The following GLP1R variants were observed in gnomAD, a reference collection of about 807,000 sequenced individuals.
GLP1R encodes the protein glucagon like peptide 1 receptor, also known as glucagon-like peptide 1 receptor.
A neutral mutation model predicts 68.4 loss-of-function variants in GLP1R; 32 were observed. That is an observed-to-expected ratio of 0.47 (90% confidence interval 0.35 to 0.63). GLP1R has a LOEUF of 0.63. Among genes scored for constraint, GLP1R ranks in the 20% least tolerant of loss-of-function variants. GLP1R has a pLI of 0.00. For missense variants in GLP1R, 502 were observed against 594.9 expected (o/e 0.84, Z 1.62); for synonymous variants, 263 against 244.4 (o/e 1.08, Z -0.71).
chr6:39,080,381 G>C (rs1768968533), intron 11 of GLP1R, among the ~76,000 whole-genome samples: 1 of 152,222 alleles, frequency 6.6e-6, no homozygotes, highest in Non-Finnish European at 1.5e-5. Flanking sequence ...CTCAAGGAGA[G>C]GTTGGATGTA....
At chr6:39,077,117 C>T (rs1195194975) in intron 7 of GLP1R, among the ~76,000 whole-genome samples, 1 of 152,198 alleles carries the variant, frequency 6.6e-6, no homozygotes, top group African/African-American at 2.4e-5. Flanking sequence ...CTGTGGCCTG[C>T]AATCTCGGTT....
At chr6:39,050,644 A>C (rs561749603) in intron 1 of GLP1R, among the ~76,000 whole-genome samples, 1 of 152,154 alleles carries the variant, frequency 6.6e-6, no homozygotes, top group Non-Finnish European at 1.5e-5. Flanking sequence ...TGCCACAGAG[A>C]TCTGAGTCAC....
chr6:39,066,089 T>G lies in GLP1R; in HGVS notation c.403-108T>G, dbSNP rs959788901. On this transcript the variant is annotated intron_variant, in intron 4 of 12. Coordinates refer to ENST00000373256, the MANE Select transcript of GLP1R (RefSeq NM_002062.5). ...TCTTTCTTGGTCTTGGTATCCCCGG[T>G]GAGTCCTGACTTGGGGCCCCAGCTC... The G allele has an allele frequency of 1.8e-5, 12 of 649,072 alleles. No homozygotes were observed. The Admixed American group carries it at 3.0e-4, about 16-fold the overall frequency. 40.2% of individuals were successfully genotyped at this position (649,072 alleles called of 1,614,324 possible).
intron 12 of GLP1R, among the ~76,000 whole-genome samples, chr6:39,081,259 G>C (rs538663388): frequency 6.6e-6 from 1 of 152,178 alleles, no homozygotes; most frequent in South Asian, 2.1e-4. Flanking sequence ...GGCACACATC[G>C]CTTCTTAGCC....
chr6:39,079,283 G>C lies in GLP1R; in HGVS notation c.1043+83G>C. ...GCAGAGAGAGAGAGAGAGATCCTGG[G>C]ATGCTTAGCTTAGAGCCCTACACTA... is the stretch of plus-strand genomic sequence containing the variant. On this transcript the variant is annotated intron_variant, in intron 10 of 12. Coordinates refer to ENST00000373256, the MANE Select transcript of GLP1R (RefSeq NM_002062.5). This position sits in a 1 kb window ranked among gnomAD's most constrained non-coding sequence, Gnocchi z 4.5. 1 of 1,068,574 alleles carries C rather than the reference G, an allele frequency of 9.4e-7. No homozygotes were observed. Among genetic ancestry groups the C allele is most frequent in the Non-Finnish European group, 1.5e-6 (1 of 686,670 alleles). 66.2% of individuals were successfully genotyped at this position (1,068,574 alleles called of 1,614,324 possible).
chr6:39,074,870 C>T (rs10305487), intron 7 of GLP1R, among the ~76,000 whole-genome samples: 40,254 of 152,150 alleles, frequency 0.26, 5,996 homozygotes, highest in Non-Finnish European at 0.34. Context: ...CCCTCTCAAG[C>T]TCTCCATCCC....
At chr6:39,061,952 C>A (rs1768367571) in intron 3 of GLP1R, among the ~76,000 whole-genome samples, 1 of 152,182 alleles carries the variant, frequency 6.6e-6, no homozygotes, top group South Asian at 2.1e-4. Flanking sequence ...TCACCTCACT[C>A]CCTTGGGGAG....
chr6:39,060,904 G>GGTC lies in GLP1R; in HGVS notation c.283+3327_283+3329dup, dbSNP rs1768342747. 2.6e-5 allele frequency among the ~76,000 whole-genome samples: 4 copies of GGTC among 152,324 alleles called. No homozygotes were observed. In the South Asian group the frequency reaches 8.3e-4, roughly 32 times the overall value. On this transcript the variant is annotated intron_variant, in intron 3 of 12. Transcript: ENST00000373256. ...GGTAACCCCCCTCCATGGAGCTGAA[G>GGTC]GTCGGCTCAGCAGCCCAGGCAGTGG...
chr6:39,079,449 G>C lies in GLP1R; in HGVS notation c.1044-115G>C, dbSNP rs900903329. Reference sequence around the variant, plus strand: ...CTGTCCCAGGGTATTTGGGGTGGGAGAACATCCATGACCCAGATATCAGGA... The same window carrying C: ...CTGTCCCAGGGTATTTGGGGTGGGACAACATCCATGACCCAGATATCAGGA... On this transcript the variant is annotated intron_variant, in intron 10 of 12. Transcript: ENST00000373256. The surrounding 1 kb of genome is among the most constrained non-coding windows in gnomAD (Gnocchi z 4.5). 9.1e-7 allele frequency: 1 copy of C among 1,102,360 alleles called. No homozygotes were observed. The highest frequency in any genetic ancestry group is 1.3e-6 in the Non-Finnish European group (1 of 768,196). The allele number at this position is 1,102,360 out of a possible 1,614,324, so 68.3% of individuals were successfully genotyped here.
intron 3 of GLP1R, among the ~76,000 whole-genome samples, chr6:39,058,152 C>CT (rs1768263852): frequency 6.6e-6 from 1 of 152,206 alleles, no homozygotes; most frequent in Non-Finnish European, 1.5e-5. Context: ...AATGCGACCC[C>CT]TTCCAATTCA....
At chr6:39,081,473 G>C (rs1207281951) in intron 12 of GLP1R, among the ~76,000 whole-genome samples, 1 of 152,200 alleles carries the variant, frequency 6.6e-6, no homozygotes, top group Non-Finnish European at 1.5e-5. Flanking sequence ...AATGTCTGCA[G>C]GACAGCAGGC....
intron 5 of GLP1R, among the ~76,000 whole-genome samples, chr6:39,072,620 T>C (rs1209314087): frequency 6.6e-6 from 1 of 152,136 alleles, no homozygotes; most frequent in Non-Finnish European, 1.5e-5. Context: ...GAGAGAAGGA[T>C]AGAATGTGGA....
intron 12 of GLP1R, among the ~76,000 whole-genome samples, chr6:39,085,534 C>T (rs955881503): frequency 2.0e-5 from 3 of 152,200 alleles, no homozygotes; most frequent in Non-Finnish European, 1.5e-5. Flanking sequence ...CTGGACTGTG[C>T]GCTGTAAAGA....
At position 39,056,551 on chromosome 6, in the gene GLP1R, AC is replaced by A. The variant is rs1012198223; in HGVS notation, c.175+59del. Reference sequence around the variant, plus strand: ...TCCCCACCCAACCAACTTCTGGAGGACTTTGATGAACTCAATGTCCATGGCT... The same window carrying A: ...TCCCCACCCAACCAACTTCTGGAGGATTTGATGAACTCAATGTCCATGGCT... On this transcript the variant is annotated intron_variant, in intron 2 of 12. Coordinates refer to ENST00000373256, the MANE Select transcript of GLP1R (RefSeq NM_002062.5). The A allele has an allele frequency of 3.5e-5, 30 of 863,436 alleles. No individual in the cohort carries two copies. In the African/African-American group the frequency reaches 4.8e-4, roughly 14 times the overall value. The allele number at this position is 863,436 out of a possible 1,614,324, so 53.5% of individuals were successfully genotyped here.
intron 2 of GLP1R, 85 bp downstream of exon 2, chr6:39,056,578 G>A (rs1768220119): frequency 1.4e-6 from 1 of 727,328 alleles, no homozygotes; most frequent in African/African-American, 1.7e-5. Flanking sequence ...GTCCATGGCT[G>A]GGAGCCATTT....
intron 7 of GLP1R, among the ~76,000 whole-genome samples, chr6:39,075,562 G>T (rs1768795280): frequency 1.3e-5 from 2 of 152,140 alleles, no homozygotes; most frequent in Non-Finnish European, 2.9e-5. Flanking sequence ...CTAGCTCAGG[G>T]CTCGGGGTCT....
chr6:39,090,502 C>T lies in GLP1R; in HGVS notation c.*4429C>T, dbSNP rs1769256054. Among the ~76,000 whole-genome samples, 1 of 152,162 alleles carries T rather than the reference C, an allele frequency of 6.6e-6. No individual in the cohort carries two copies. The highest frequency in any genetic ancestry group is 2.4e-5 in the African/African-American group (1 of 41,442). On this transcript the variant is annotated 3_prime_UTR_variant, in exon 13 of 13. Coordinates refer to ENST00000373256, the MANE Select transcript of GLP1R (RefSeq NM_002062.5). ...GGAATAGGTGACCCTGCTGGCCATACTGTGAATGCTGTTCTTTCAGCTGTG... is the reference window on the plus strand; with the variant it reads ...GGAATAGGTGACCCTGCTGGCCATATTGTGAATGCTGTTCTTTCAGCTGTG...
intron 12 of GLP1R, among the ~76,000 whole-genome samples, chr6:39,082,657 T>C (rs1358226164): frequency 6.6e-6 from 1 of 152,170 alleles, no homozygotes; most frequent in African/African-American, 2.4e-5. Flanking sequence ...CTAAGCTCTG[T>C]GGGTGGCCTC....
At chr6:39,084,370 A>G (rs528997916) in intron 12 of GLP1R, among the ~76,000 whole-genome samples, 2 of 152,320 alleles carry the variant, frequency 1.3e-5, no homozygotes, top group South Asian at 2.1e-4. Context: ...GTGCTGAAGG[A>G]GATGGGGGCA....
Sources: allele counts gnomAD v4.1 joint callset (sites outside exome capture counted in the v4.1 genomes callset), GRCh38; gene constraint gnomAD v4.1.1; non-coding constraint Gnocchi (gnomAD v3.1); transcripts MANE v1.5; gene names NCBI Gene and HGNC (gene_info 2026-07-23, HGNC 2026-07-21).